KCNH1: variants seen among roughly 807,000 people sequenced by gnomAD.
KCNH1 encodes the protein voltage-gated delayed rectifier potassium channel KCNH1.
KCNH1 carries 27 observed loss-of-function variants against 69.2 expected under a neutral mutation model. The ratio of observed to expected loss-of-function variants is 0.39; its 90% confidence interval spans 0.29 to 0.54. The LOEUF is 0.54. Ranked by LOEUF, KCNH1 falls within the 20% of genes least tolerant of loss-of-function variation. KCNH1 has a pLI of 0.68. For missense variants in KCNH1, 798 were observed against 1,261.6 expected, an observed-to-expected ratio of 0.63 and a Z score of 5.57; for synonymous variants, 456 against 487.7, an observed-to-expected ratio of 0.93 and a Z score of 0.86.
intron 5 of KCNH1, among the ~76,000 whole-genome samples, chr1:211,039,971 C>T (rs924662373): frequency 2.6e-5 from 4 of 152,024 alleles, no homozygotes; most frequent in Non-Finnish European, 4.4e-5. Flanking sequence ...AGGTGGATCA[C>T]GAGGTCAGGA....
intron 1 of KCNH1, among the ~76,000 whole-genome samples, chr1:211,125,365 A>G (rs969057715): frequency 2.0e-5 from 3 of 152,248 alleles, no homozygotes; most frequent in Admixed American, 2.0e-4. Context: ...AGAGGCTTAA[A>G]GCACAGCCTT....
intron 7 of KCNH1, among the ~76,000 whole-genome samples, chr1:210,835,860 T>C (rs1425045185): frequency 1.3e-5 from 2 of 152,062 alleles, no homozygotes; most frequent in Admixed American, 6.6e-5. Context: ...CCTGGCATGG[T>C]GGCTCAAGCT....
chr1:210,711,128 T>C lies in KCNH1; in HGVS notation c.2113-26990A>G, dbSNP rs963962925. On this transcript the variant is annotated intron_variant, in intron 10 of 10. Transcript: ENST00000271751. ...GATCTTGGCCCATGAAATTCACCCT[T>C]AGTCTATTGCTAGCCAAGCCAGCCT... Among the ~76,000 whole-genome samples, 4 of 152,294 alleles carry C rather than the reference T, an allele frequency of 2.6e-5. No homozygotes were observed. In the East Asian group the frequency reaches 5.8e-4, roughly 22 times the overall value.
chr1:210,875,630 C>T (rs532340989), intron 7 of KCNH1, among the ~76,000 whole-genome samples: 106 of 152,030 alleles, frequency 7.0e-4, no homozygotes, highest in Middle Eastern at 3.4e-3. Flanking sequence ...TGGTGAACCC[C>T]ATCTCTACTA....
intron 6 of KCNH1, among the ~76,000 whole-genome samples, chr1:210,970,782 G>T (rs1015544078): frequency 3.3e-5 from 5 of 152,102 alleles, no homozygotes; most frequent in African/African-American, 1.2e-4. Context: ...CGCTAAAATT[G>T]ACAAATGGGA....
Position 211,134,010 on chromosome 1 carries a change from C to T in KCNH1, c.-65G>A, listed in dbSNP as rs2102508821. Reference sequence around the variant, plus strand: ...GCTTCTTACGACAGCAGGAAACTGGCCTCGGGGCCCGCACGCAGTCCCGGC... The same window carrying T: ...GCTTCTTACGACAGCAGGAAACTGGTCTCGGGGCCCGCACGCAGTCCCGGC... On this transcript the variant is annotated 5_prime_UTR_variant, in exon 1 of 11. Coordinates refer to ENST00000271751, the MANE Select transcript of KCNH1 (RefSeq NM_172362.3). The surrounding 1 kb of genome is among the most constrained non-coding windows in gnomAD (Gnocchi z 5.7). 2.1e-6 allele frequency: 3 copies of T among 1,425,800 alleles called. No homozygotes were observed. The highest frequency in any genetic ancestry group is 2.9e-6 in the Non-Finnish European group (3 of 1,017,504). The allele number at this position is 1,425,800 out of a possible 1,614,324, so 88.3% of individuals were successfully genotyped here. A position where few individuals can be genotyped will look rare whatever the true frequency, so the allele number is the denominator to read the frequency against.
intron 5 of KCNH1, among the ~76,000 whole-genome samples, chr1:211,068,405 T>G (rs926007209): frequency 6.6e-6 from 1 of 151,812 alleles, no homozygotes; most frequent in Non-Finnish European, 1.5e-5. Context: ...ACTTTTTTGT[T>G]TTTTTTTTGA....
Position 210,929,910 on chromosome 1 carries a change from A to C in KCNH1, c.1033-9841T>G, listed in dbSNP as rs150090506. Among the ~76,000 whole-genome samples, 7 of 150,520 alleles carry C rather than the reference A, an allele frequency of 4.7e-5. No homozygotes were observed. In the East Asian group the frequency reaches 1.4e-3, roughly 29 times the overall value. ...AACCAAGCTGAGAATTAAATCAAGAACTGAATCCCTTTCACAATAGCTGCA... is the reference window on the plus strand; with the variant it reads ...AACCAAGCTGAGAATTAAATCAAGACCTGAATCCCTTTCACAATAGCTGCA... On this transcript the variant is annotated intron_variant, in intron 6 of 10. Coordinates refer to ENST00000271751, the MANE Select transcript of KCNH1 (RefSeq NM_172362.3).
intron 6 of KCNH1, among the ~76,000 whole-genome samples, chr1:210,980,689 T>A (rs979572435): frequency 1.3e-5 from 2 of 152,104 alleles, no homozygotes; most frequent in Non-Finnish European, 1.5e-5. Context: ...GTCATGAGAA[T>A]AGTATGAGCA....
intron 7 of KCNH1, among the ~76,000 whole-genome samples, chr1:210,832,470 A>C (rs1685182537): frequency 6.6e-6 from 1 of 152,180 alleles, no homozygotes; most frequent in Non-Finnish European, 1.5e-5. Flanking sequence ...GTTGGCTTTG[A>C]GGATTTATGC....
chr1:210,789,532 T>A (rs1307336336), intron 9 of KCNH1, among the ~76,000 whole-genome samples: 3 of 152,172 alleles, frequency 2.0e-5, no homozygotes, highest in African/African-American at 7.2e-5. Flanking sequence ...AAAAATAATA[T>A]CATTCTTCTA....
intron 7 of KCNH1, among the ~76,000 whole-genome samples, chr1:210,864,938 A>C (rs1445134557): frequency 6.6e-6 from 1 of 152,202 alleles, no homozygotes; most frequent in Non-Finnish European, 1.5e-5. Flanking sequence ...TGGCCCTTCC[A>C]TGTGGCTCTT....
At chr1:210,996,234 T>C (rs1259223143) in intron 6 of KCNH1, among the ~76,000 whole-genome samples, 1 of 152,038 alleles carries the variant, frequency 6.6e-6, no homozygotes, top group African/African-American at 2.4e-5. Context: ...CCTTTCCTAG[T>C]CAAAGAAAGG....
At chr1:210,692,731 C>T (rs9429841) in intron 10 of KCNH1, among the ~76,000 whole-genome samples, 5,363 of 152,196 alleles carry the variant, frequency 0.035, 334 homozygotes, top group African/African-American at 0.12. Flanking sequence ...AGTTACGTAG[C>T]TACAAGCCAA....
At position 211,119,035 on chromosome 1, in the gene KCNH1, T is replaced by C. The variant is rs373883306; in HGVS notation, c.80-11658A>G. Among the ~76,000 whole-genome samples the C allele has an allele frequency of 6.2e-4, 94 of 152,286 alleles. 1 individual carries two copies. The highest frequency in any genetic ancestry group is 6.0e-4 in the Non-Finnish European group (41 of 68,012). On this transcript the variant is annotated intron_variant, in intron 1 of 10. Coordinates refer to ENST00000271751, the MANE Select transcript of KCNH1 (RefSeq NM_172362.3). Reference sequence around the variant, plus strand: ...TCCTGACATTTTGGAAATAGAATTATAGATTTCTAAGGATATCAGTACTCT... The same window carrying C: ...TCCTGACATTTTGGAAATAGAATTACAGATTTCTAAGGATATCAGTACTCT...
rs554292547 is a variant in KCNH1 at position 210,708,076 on chromosome 1, T to C, written c.2113-23938A>G. ...TCATCACATGGAGCATCTTGTGTGT[T>C]TGCAACAGCCCTTCACTGTCTCATT... On this transcript the variant is annotated intron_variant, in intron 10 of 10. Coordinates refer to ENST00000271751, the MANE Select transcript of KCNH1 (RefSeq NM_172362.3). Among the ~76,000 whole-genome samples the C allele has an allele frequency of 1.1e-4, 16 of 152,318 alleles. No homozygotes were observed. In the South Asian group the frequency reaches 3.1e-3, roughly 30 times the overall value.
chr1:211,122,675 A>T (rs1334815236), intron 1 of KCNH1, among the ~76,000 whole-genome samples: 1 of 152,234 alleles, frequency 6.6e-6, no homozygotes, highest in Non-Finnish European at 1.5e-5. Context: ...TGTCCTTTGC[A>T]GGGACATGGA....
chr1:211,021,632 C>T (rs376076087), intron 5 of KCNH1, among the ~76,000 whole-genome samples: 6 of 151,776 alleles, frequency 4.0e-5, no homozygotes, highest in East Asian at 3.9e-4. Flanking sequence ...AATTCACTAA[C>T]GTTGCAGGAT....
chr1:210,738,552 C>CTTTTTTTTTTTTTTTTTTTTTTT lies in KCNH1; in HGVS notation c.2112+36773_2112+36795dup, dbSNP rs57669878. On this transcript the variant is annotated intron_variant, in intron 10 of 10. Transcript: ENST00000271751. ...CTGTATTCCTGGCTTGGCTTTTTTG[C>CTTTTTTTTTTTTTTTTTTTTTTT]TTTTTTTTTTTTTTTTTTTTTTTTT... 4.1e-5 allele frequency among the ~76,000 whole-genome samples: 2 copies of CTTTTTTTTTTTTTTTTTTTTTTT among 49,152 alleles called. 1 individual carries two copies. The highest frequency in any genetic ancestry group is 1.3e-4 in the African/African-American group (2 of 14,868). 32.2% of individuals were successfully genotyped at this position (49,152 alleles called of 152,430 possible). A position where few individuals can be genotyped will look rare whatever the true frequency, so the allele number is the denominator to read the frequency against.
Sources: gnomAD v4.1 joint callset for allele counts (sites outside exome capture counted in the v4.1 genomes callset) on GRCh38, gnomAD v4.1.1 for gene constraint, Gnocchi (gnomAD v3.1) non-coding constraint, MANE v1.5 for transcripts, NCBI Gene and HGNC (gene_info 2026-07-23, HGNC 2026-07-21) for gene names.